The following PCDH9 variants were observed in gnomAD, a reference collection of about 807,000 sequenced individuals.
PCDH9 encodes the protein protocadherin-9.
A neutral mutation model predicts 70.6 loss-of-function variants in PCDH9; 24 were observed. The observed-to-expected ratio is 0.34, with a 90% confidence interval of 0.25 to 0.48. PCDH9 has a LOEUF of 0.48. Among genes scored for constraint, PCDH9 ranks in the 20% least tolerant of loss-of-function variants. The probability of loss-of-function intolerance (pLI) is 0.99; values close to 1 mark genes in which losing one functional copy is unlikely to be tolerated. For missense variants in PCDH9, 1,281 were observed against 1,503.6 expected (o/e 0.85, Z 2.45); for synonymous variants, 562 against 558.5 (o/e 1.01, Z -0.09).
Position 66,410,983 on chromosome 13 carries a change from A to C in PCDH9, c.3341-105955T>G, listed in dbSNP as rs1206755288. 3.3e-5 allele frequency among the ~76,000 whole-genome samples: 5 copies of C among 152,222 alleles called. No homozygotes were observed. The East Asian group carries it at 9.6e-4, about 29-fold the overall frequency. ...ACAGAATTCTCTAAGCAAATTCAACACTTGCTTCTGTTATTCCTCATAATG... is the reference window on the plus strand; with the variant it reads ...ACAGAATTCTCTAAGCAAATTCAACCCTTGCTTCTGTTATTCCTCATAATG... On this transcript the variant is annotated intron_variant, in intron 4 of 4. Coordinates refer to ENST00000377865, the MANE Select transcript of PCDH9 (RefSeq NM_203487.3).
intron 3 of PCDH9, among the ~76,000 whole-genome samples, chr13:66,872,491 A>G (rs1229686542): frequency 2.6e-5 from 4 of 152,172 alleles, no homozygotes; most frequent in Non-Finnish European, 5.9e-5. Context: ...TCTTTACAAA[A>G]TCATACAGTC....
chr13:67,213,649 G>A (rs1020889052), intron 2 of PCDH9: 2 of 152,026 alleles, frequency 1.3e-5, no homozygotes, highest in Admixed American at 6.6e-5. Flanking sequence ...AAAACAAGCA[G>A]AAGCCTAAAG....
At chr13:66,975,776 C>A (rs2083608025) in intron 2 of PCDH9, among the ~76,000 whole-genome samples, 1 of 151,864 alleles carries the variant, frequency 6.6e-6, no homozygotes, top group African/African-American at 2.4e-5. Context: ...TTGGGAAGAT[C>A]TCCGTATAGT....
At chr13:66,419,743 T>C (rs1227908635) in intron 4 of PCDH9, among the ~76,000 whole-genome samples, 1 of 150,064 alleles carries the variant, frequency 6.7e-6, no homozygotes, top group Admixed American at 6.6e-5. Flanking sequence ...GGGCAGACAC[T>C]GAGCTAGCTA....
chr13:66,800,281 ATGT>A (rs752549898), intron 3 of PCDH9, among the ~76,000 whole-genome samples: 19 of 151,872 alleles, frequency 1.3e-4, no homozygotes, highest in Non-Finnish European at 1.8e-4. Context: ...ACTTTCTCTC[ATGT>A]TGTTGAAAGA....
intron 2 of PCDH9, among the ~76,000 whole-genome samples, chr13:66,991,747 C>A (rs1269355284): frequency 6.6e-6 from 1 of 151,882 alleles, no homozygotes; most frequent in Non-Finnish European, 1.5e-5. Flanking sequence ...AAGTAAAGCA[C>A]CCTTTTCATA....
intron 4 of PCDH9, among the ~76,000 whole-genome samples, chr13:66,461,797 G>A (rs565317965): frequency 3.3e-5 from 5 of 151,832 alleles, no homozygotes; most frequent in South Asian, 2.1e-4. Flanking sequence ...CAGGTAAATC[G>A]TGAAGAAAAA....
At chr13:66,372,958 T>C (rs1251474334) in intron 4 of PCDH9, among the ~76,000 whole-genome samples, 1 of 151,902 alleles carries the variant, frequency 6.6e-6, no homozygotes, top group East Asian at 1.9e-4. Flanking sequence ...TTACACAATC[T>C]AGCAATACCA....
intron 2 of PCDH9, among the ~76,000 whole-genome samples, chr13:66,914,746 T>C (rs2082530167): frequency 6.6e-6 from 1 of 151,830 alleles, no homozygotes; most frequent in South Asian, 2.1e-4. Flanking sequence ...ATATAAGAAA[T>C]AATTTTGTCT....
intron 4 of PCDH9, among the ~76,000 whole-genome samples, chr13:66,444,490 C>CTT (rs764056879): frequency 2.7e-5 from 4 of 149,466 alleles, no homozygotes; most frequent in Admixed American, 6.7e-5. Flanking sequence ...CCTAATAAGA[C>CTT]TTTTTTTTTT....
intron 3 of PCDH9, among the ~76,000 whole-genome samples, chr13:66,837,016 T>C (rs1170475659): frequency 4.6e-5 from 7 of 152,178 alleles, no homozygotes; most frequent in Non-Finnish European, 1.0e-4. Flanking sequence ...CCATCACCTC[T>C]TGTCAGCATC....
At chr13:66,738,119 T>C (rs560468256) in intron 3 of PCDH9, among the ~76,000 whole-genome samples, 234 of 152,248 alleles carry the variant, frequency 1.5e-3, no homozygotes, top group South Asian at 6.2e-3. Context: ...AGAGCAGTGG[T>C]TCTCCCAGCA....
intron 4 of PCDH9, among the ~76,000 whole-genome samples, chr13:66,433,436 A>G (rs7998865): frequency 0.39 from 59,534 of 151,122 alleles, 12,389 homozygotes; most frequent in South Asian, 0.53. Context: ...AAACCAGAAA[A>G]CCTTCCTTTT....
chr13:66,823,173 T>G (rs1055277416), intron 3 of PCDH9, among the ~76,000 whole-genome samples: 1 of 151,964 alleles, frequency 6.6e-6, no homozygotes, highest in Non-Finnish European at 1.5e-5. Flanking sequence ...GTTGTACATA[T>G]TAGAGAATTT....
rs77847828 is a variant in PCDH9, at chr13:67,012,823, C to T, written c.3037-109218G>A. ...AAGAGTCACACTGTAGCGAAAATTC[C>T]GAAGTGTTACTATATTATAAAAGGC... On this transcript the variant is annotated intron_variant, in intron 2 of 4. Transcript: ENST00000377865. 8.5e-3 allele frequency among the ~76,000 whole-genome samples: 1,288 copies of T among 151,958 alleles called. 6 individuals are homozygous for T. The highest frequency in any genetic ancestry group is 0.012 in the Non-Finnish European group (805 of 67,854).
intron 3 of PCDH9, among the ~76,000 whole-genome samples, chr13:66,846,120 A>AG (rs55743353): frequency 0.36 from 44,642 of 124,714 alleles, 7,561 homozygotes; most frequent in Admixed American, 0.45. Context: ...TAGATAATGC[A>AG]GGGGGAAAAA....
rs1269481813 is a variant in PCDH9, at chr13:66,730,909, A to AGACAGAG, written c.3139-99505_3139-99499dup. On this transcript the variant is annotated intron_variant, in intron 3 of 4. Transcript: ENST00000377865. Reference sequence around the variant, plus strand: ...TTTGTTTGTTTCTTTTTTTTTGTGGAGACAGAGGTCTCACTATGCTGCCGA... The same window carrying AGACAGAG: ...TTTGTTTGTTTCTTTTTTTTTGTGGAGACAGAGGACAGAGGTCTCACTATGCTGCCGA... 1.2e-4 allele frequency among the ~76,000 whole-genome samples: 8 copies of AGACAGAG among 67,110 alleles called. No homozygotes were observed. The East Asian group carries it at 2.3e-3, about 19-fold the overall frequency. 44.0% of individuals were successfully genotyped at this position (67,110 alleles called of 152,430 possible). A position where few individuals can be genotyped will look rare whatever the true frequency, so the allele number is the denominator to read the frequency against.
chr13:66,754,829 T>C (rs562232730), intron 3 of PCDH9, among the ~76,000 whole-genome samples: 1 of 152,314 alleles, frequency 6.6e-6, no homozygotes, highest in East Asian at 1.9e-4. Context: ...AGATATTACA[T>C]GCATACTATA....
At chr13:66,651,668 C>A (rs2077853520) in intron 3 of PCDH9, among the ~76,000 whole-genome samples, 1 of 151,878 alleles carries the variant, frequency 6.6e-6, no homozygotes, top group African/African-American at 2.4e-5. Flanking sequence ...TCCATGAGGC[C>A]AATTTTACAC....
Sources: gnomAD v4.1 joint callset for allele counts (sites outside exome capture counted in the v4.1 genomes callset) on GRCh38, gnomAD v4.1.1 for gene constraint, MANE v1.5 for transcripts, NCBI Gene and HGNC (gene_info 2026-07-23, HGNC 2026-07-21) for gene names.